The following PRKN variants were observed in gnomAD, a reference collection of about 807,000 sequenced individuals.
PRKN encodes the protein E3 ubiquitin-protein ligase parkin.
PRKN carries 56 observed loss-of-function variants against 59.5 expected under a neutral mutation model. The ratio of observed to expected loss-of-function variants is 0.94; its 90% CI spans 0.76 to 1.18. The LOEUF (loss-of-function observed/expected upper bound fraction) is 1.18, where lower values mean the gene tolerates loss of function less well. Ranked by LOEUF, PRKN falls within the 50% of genes most tolerant of loss-of-function variation. PRKN has a pLI of 0.00. For synonymous variants in PRKN, 250 were observed against 222.1 expected (o/e 1.13, Z -1.12); for missense variants, 657 against 596.4 (o/e 1.10, Z -1.06).
At chr6:162,673,459 C>T (rs539337815) in intron 1 of PRKN, among the ~76,000 whole-genome samples, 48 of 152,300 alleles carry the variant, frequency 3.2e-4, no homozygotes, top group African/African-American at 1.1e-3. Context: ...GATCTTGGCT[C>T]ACTGCAACCT....
chr6:161,370,424 C>CAA (rs71004046), intron 10 of PRKN, among the ~76,000 whole-genome samples: 10 of 120,942 alleles, frequency 8.3e-5, no homozygotes, highest in South Asian at 2.8e-4. Flanking sequence ...ACTCAAAATA[C>CAA]AAAAAAAAAA....
At chr6:162,501,248 G>A (rs963470006) in intron 1 of PRKN, among the ~76,000 whole-genome samples, 2 of 152,110 alleles carry the variant, frequency 1.3e-5, no homozygotes, top group Non-Finnish European at 2.9e-5. Flanking sequence ...GGATCAGTGA[G>A]GGTTGATGGG....
chr6:162,548,525 T>C (rs144476459), intron 1 of PRKN, among the ~76,000 whole-genome samples: 28 of 151,974 alleles, frequency 1.8e-4, no homozygotes, highest in Admixed American at 1.8e-3. Context: ...CCCATTTATC[T>C]CTCTAGAAAC....
At chr6:162,436,458 C>G (rs1789776552) in intron 2 of PRKN, among the ~76,000 whole-genome samples, 1 of 151,294 alleles carries the variant, frequency 6.6e-6, no homozygotes, top group African/African-American at 2.4e-5. Flanking sequence ...CAGCCTTCCA[C>G]GTAGCTGGGA....
chr6:162,314,849 T>C (rs9365399), intron 2 of PRKN, among the ~76,000 whole-genome samples: 38,909 of 152,056 alleles, frequency 0.26, 6,339 homozygotes, highest in East Asian at 0.52. Flanking sequence ...CACTGTTGTC[T>C]TATACTGAAC....
At chr6:161,681,456 T>TC (rs912198470) in intron 7 of PRKN, among the ~76,000 whole-genome samples, 23 of 132,484 alleles carry the variant, frequency 1.7e-4, no homozygotes, top group Middle Eastern at 3.9e-3. Flanking sequence ...AGTAAATCTT[T>TC]TTTTTTTTTC....
chr6:162,069,774 A>T (rs1257419108), intron 4 of PRKN, among the ~76,000 whole-genome samples: 1 of 152,230 alleles, frequency 6.6e-6, no homozygotes, highest in Non-Finnish European at 1.5e-5. Context: ...TTAGAAGGAA[A>T]ACAATAATTA....
intron 6 of PRKN, among the ~76,000 whole-genome samples, chr6:161,937,295 T>C (rs1293775563): frequency 6.6e-6 from 1 of 152,234 alleles, no homozygotes; most frequent in Non-Finnish European, 1.5e-5. Flanking sequence ...ATTCCATTTT[T>C]TTTCCACAAA....
At chr6:161,820,766 A>G (rs1791989993) in intron 6 of PRKN, among the ~76,000 whole-genome samples, 1 of 150,238 alleles carries the variant, frequency 6.7e-6, no homozygotes, top group Admixed American at 6.6e-5. Context: ...GCATAAATAT[A>G]TAAACAATTG....
intron 1 of PRKN, among the ~76,000 whole-genome samples, chr6:162,446,613 C>A (rs1790328217): frequency 6.6e-6 from 1 of 151,994 alleles, no homozygotes; most frequent in African/African-American, 2.4e-5. Context: ...ATCTAACATA[C>A]AATATAAATT....
chr6:162,488,038 T>TG (rs1562323999), intron 1 of PRKN, among the ~76,000 whole-genome samples: 40 of 150,534 alleles, frequency 2.7e-4, no homozygotes, highest in African/African-American at 9.5e-4. Context: ...TTTTTTTTTT[T>TG]TTTTTTTTTT....
chr6:162,402,660 CT>C (rs35383927), intron 2 of PRKN, among the ~76,000 whole-genome samples: 74,270 of 144,386 alleles, frequency 0.51, 19,533 homozygotes, highest in East Asian at 0.73. Context: ...CTTTTATTTC[CT>C]TTTTTTTTTT....
chr6:161,902,560 A>ATCTATTTTTTTTTTTTTTT (rs1554245457), intron 6 of PRKN, among the ~76,000 whole-genome samples: 1 of 125,346 alleles, frequency 8.0e-6, no homozygotes. Context: ...TTATTTATTT[A>ATCTATTTTTTTTTTTTTTT]TTTATTTTTT....
rs547794583 is a variant in PRKN at position 161,353,071 on chromosome 6, C to A, written c.1286-2860G>T. Among the ~76,000 whole-genome samples the A allele has an allele frequency of 1.7e-4, 26 of 152,288 alleles. No homozygotes were observed. In the East Asian group the frequency reaches 4.6e-3, roughly 27 times the overall value. On this transcript the variant is annotated intron_variant, in intron 11 of 11. Transcript: ENST00000366898. This position sits in a 1 kb window ranked among gnomAD's most constrained non-coding sequence, Gnocchi z 4.8. ...GGGATTACAGGCATGAGCCACCGCG[C>A]CTGGCTGATAGATGTGTTTTTCATA...
intron 5 of PRKN, among the ~76,000 whole-genome samples, chr6:162,029,484 C>A (rs143903682): frequency 1.3e-5 from 2 of 152,134 alleles, no homozygotes; most frequent in Non-Finnish European, 2.9e-5. Context: ...AAATGAAATG[C>A]GTACTTGTGC....
chr6:161,494,566 C>T (rs1484806192), intron 9 of PRKN, among the ~76,000 whole-genome samples: 4 of 152,186 alleles, frequency 2.6e-5, no homozygotes, highest in Admixed American at 2.0e-4. Flanking sequence ...TGCAAGGAGG[C>T]ACTGGATTGA....
intron 4 of PRKN, among the ~76,000 whole-genome samples, chr6:162,095,844 G>C (rs977092859): frequency 6.6e-6 from 1 of 152,132 alleles, no homozygotes; most frequent in African/African-American, 2.4e-5. Context: ...TTCTCTCAGA[G>C]GGCCACAGTT....
intron 5 of PRKN, among the ~76,000 whole-genome samples, chr6:161,986,643 T>A (rs758115735): frequency 5.9e-5 from 9 of 152,136 alleles, no homozygotes; most frequent in Non-Finnish European, 1.2e-4. Flanking sequence ...GAAGGGTTCA[T>A]CACTGGTTTC....
intron 7 of PRKN, among the ~76,000 whole-genome samples, chr6:161,645,788 A>G (rs978656635): frequency 2.6e-5 from 4 of 152,270 alleles, no homozygotes; most frequent in Non-Finnish European, 5.9e-5. Flanking sequence ...TGCCCTCTTC[A>G]AAGTCATTAT....
Sources: allele counts gnomAD v4.1 joint callset (sites outside exome capture counted in the v4.1 genomes callset), GRCh38; gene constraint gnomAD v4.1.1; non-coding constraint Gnocchi (gnomAD v3.1); transcripts MANE v1.5; gene names NCBI Gene and HGNC (gene_info 2026-07-23, HGNC 2026-07-21).